The following PCDHGA8 variants were observed in gnomAD, a reference collection of about 807,000 sequenced individuals.
The protein encoded by PCDHGA8 is protocadherin gamma-A8.
Under a neutral mutation model 59.2 loss-of-function variants are expected in PCDHGA8, and 45 were observed. The ratio of observed to expected loss-of-function variants is 0.76; its 90% confidence interval spans 0.60 to 0.98. The LOEUF (loss-of-function observed/expected upper bound fraction) is 0.98. Ranked by LOEUF, PCDHGA8 falls within the 50% of genes least tolerant of loss-of-function variation. PCDHGA8 has a pLI of 0.00. For missense variants in PCDHGA8, 1,257 were observed against 1,196.2 expected, an observed-to-expected ratio of 1.05 and a Z score of -0.75; for synonymous variants, 531 against 519.0, an observed-to-expected ratio of 1.02 and a Z score of -0.32.
chr5:141,397,379 T>C (rs1470838357), intron 1 of PCDHGA8, among the ~76,000 whole-genome samples: 1 of 152,206 alleles, frequency 6.6e-6, no homozygotes, highest in East Asian at 1.9e-4. Context: ...TGGGGATTGG[T>C]ATAAAATTGC....
At position 141,432,015 on chromosome 5, in the gene PCDHGA8, A is replaced by G. The variant is rs745405194; in HGVS notation, c.2424+36778A>G. 6.2e-7 allele frequency: 1 copy of G among 1,614,196 alleles called. No individual in the cohort carries two copies. Among genetic ancestry groups the G allele is most frequent in the Admixed American group, 1.7e-5 (1 of 60,032 alleles). On this transcript the variant is annotated intron_variant, in intron 1 of 3. Coordinates refer to ENST00000398604, the MANE Select transcript of PCDHGA8 (RefSeq NM_032088.2). The surrounding 1 kb of genome is among the most constrained non-coding windows in gnomAD (Gnocchi z 6.0). ...GATAGGGAACAGGTTCCTAGCTACA[A>G]CATCACAGTGACCGCCACTGACCGG...
At chr5:141,419,029 T>C in intron 1 of PCDHGA8, 1 of 1,613,886 alleles carries the variant, frequency 6.2e-7, no homozygotes, top group Non-Finnish European at 8.5e-7. Flanking sequence ...GTAGAGGTGT[T>C]CCATTTAAGA....
At chr5:141,427,826 G>A (rs550161736) in intron 1 of PCDHGA8, 2 of 1,536,500 alleles carry the variant, frequency 1.3e-6, no homozygotes, top group Admixed American at 3.3e-5. Flanking sequence ...TGGTGGTCGC[G>A]CAGCGTGCCT....
intron 1 of PCDHGA8, chr5:141,419,724 G>A (rs200134846): frequency 1.9e-4 from 301 of 1,613,488 alleles, no homozygotes; most frequent in South Asian, 1.2e-3. Context: ...CTGGGGCTGC[G>A]AACAGGCGAG....
At chr5:141,418,672 G>A (rs1170411469) in intron 1 of PCDHGA8, 3 of 1,614,022 alleles carry the variant, frequency 1.9e-6, no homozygotes, top group Non-Finnish European at 2.5e-6. Context: ...ACCAGGACGA[G>A]GGCATCAACT....
Position 141,485,795 on chromosome 5 carries a change from T to G in PCDHGA8, c.2425-9012T>G, listed in dbSNP as rs1225630684. On this transcript the variant is annotated intron_variant, in intron 1 of 3. Coordinates refer to ENST00000398604, the MANE Select transcript of PCDHGA8 (RefSeq NM_032088.2). The surrounding 1 kb of genome is among the most constrained non-coding windows in gnomAD (Gnocchi z 5.7). ...TTTGGATCGAGAGAAGCAATCGGAC[T>G]ACCGCCTGGTGCTGACTGCTGTCGA... 16 of 1,614,092 alleles carry G rather than the reference T, an allele frequency of 9.9e-6. No individual in the cohort carries two copies. The highest frequency in any genetic ancestry group is 1.1e-5 in the Non-Finnish European group (13 of 1,180,046).
Position 141,409,297 on chromosome 5 carries a change from T to TGTGAATG in PCDHGA8, c.2424+14062_2424+14063insGAATGGT, listed in dbSNP as rs774936669. On this transcript the variant is annotated intron_variant, in intron 1 of 3. Transcript: ENST00000398604. ...TGGAGAATTCACCTCCAGGAATGGT[T>TGTGAATG]GTTGCCCTCTTCAAAACACGGGATC... The TGTGAATG allele has an allele frequency of 1.3e-5, 21 of 1,613,888 alleles. No homozygotes were observed. In the African/African-American group the frequency reaches 2.7e-4, roughly 21 times the overall value.
In PCDHGA8 at chr5:141,491,942, C is replaced by A; in HGVS notation, c.2425-2865C>A. The A allele has an allele frequency of 8.9e-7, 1 of 1,122,490 alleles. No individual in the cohort carries two copies. The highest frequency in any genetic ancestry group is 1.2e-6 in the Non-Finnish European group (1 of 824,374). 69.5% of individuals were successfully genotyped at this position (1,122,490 alleles called of 1,614,324 possible). The stretch of plus-strand genomic sequence containing the variant: ...GGCGAGGGGAGGTGGGACCGACCCC[C>A]ACCCCTACACTCAAAAAAGGCCGGG... On this transcript the variant is annotated intron_variant, in intron 1 of 3. Transcript: ENST00000398604. The surrounding 1 kb of genome is among the most constrained non-coding windows in gnomAD (Gnocchi z 6.9).
chr5:141,433,162 A>G, intron 1 of PCDHGA8: 1 of 1,613,890 alleles, frequency 6.2e-7, no homozygotes, highest in Non-Finnish European at 8.5e-7. Flanking sequence ...TATTTTCTAA[A>G]GACAGTCATG....
intron 1 of PCDHGA8, chr5:141,468,696 C>G (rs1483766202): frequency 6.6e-6 from 1 of 151,386 alleles, no homozygotes; most frequent in East Asian, 2.0e-4. Context: ...GAAACCCCGT[C>G]TCTACTAAAA....
At chr5:141,464,680 A>G (rs747974832) in intron 1 of PCDHGA8, among the ~76,000 whole-genome samples, 3 of 152,144 alleles carry the variant, frequency 2.0e-5, no homozygotes, top group Non-Finnish European at 4.4e-5. Flanking sequence ...TTTTAATTAA[A>G]ATTTCTCTTA....
rs938964469 is a variant in PCDHGA8 at position 141,485,439 on chromosome 5, C to T, written c.2425-9368C>T. On this transcript the variant is annotated intron_variant, in intron 1 of 3. Transcript: ENST00000398604. This position sits in a 1 kb window ranked among gnomAD's most constrained non-coding sequence, Gnocchi z 5.7. The stretch of plus-strand genomic sequence containing the variant: ...AGCGGAGCCCTGCTCATCAAGAACC[C>T]AATCGACCGAGAGGCACTGTGTGGG... The T allele has an allele frequency of 1.1e-5, 18 of 1,614,182 alleles. No homozygotes were observed. Among genetic ancestry groups the T allele is most frequent in the Non-Finnish European group, 1.5e-5 (18 of 1,180,036 alleles).
In PCDHGA8 at chr5:141,417,959, C is replaced by T. The variant is rs759279387; in HGVS notation, c.2424+22722C>T. 7.4e-6 allele frequency: 12 copies of T among 1,613,616 alleles called. No homozygotes were observed. The highest frequency in any genetic ancestry group is 4.0e-5 in the African/African-American group (3 of 74,932). On this transcript the variant is annotated intron_variant, in intron 1 of 3. Coordinates refer to ENST00000398604, the MANE Select transcript of PCDHGA8 (RefSeq NM_032088.2). The stretch of plus-strand genomic sequence containing the variant: ...CTACCCCACGCTGTGTGAGCCGATC[C>T]GCTACTCGATTCCGGAGGAGCTGGC...
rs778198822 is a variant in PCDHGA8 at position 141,432,802 on chromosome 5, A to G, written c.2424+37565A>G. 29 of 1,613,964 alleles carry G rather than the reference A, an allele frequency of 1.8e-5. No individual in the cohort carries two copies. The African/African-American group carries it at 3.6e-4, about 20-fold the overall frequency. On this transcript the variant is annotated intron_variant, in intron 1 of 3. Coordinates refer to ENST00000398604, the MANE Select transcript of PCDHGA8 (RefSeq NM_032088.2). This position sits in a 1 kb window ranked among gnomAD's most constrained non-coding sequence, Gnocchi z 6.0. ...CGGACCTCGGCAGCCTCGAGTCTCC[A>G]GCTAACTCTGAAACCTCAGACCTCA...
At chr5:141,427,056 T>C (rs1472513807) in intron 1 of PCDHGA8, 1 of 457,676 alleles carries the variant, frequency 2.2e-6, no homozygotes, top group Non-Finnish European at 4.4e-6. Flanking sequence ...CCCAGGCACC[T>C]CTGTACTAAA....
At position 141,393,464 on chromosome 5, in the gene PCDHGA8, C is replaced by T. The variant is rs1264655164; in HGVS notation, c.651C>T (p.Gly217=). The T allele has an allele frequency of 6.2e-6, 10 of 1,613,912 alleles. No homozygotes were observed. Among genetic ancestry groups the T allele is most frequent in the African/African-American group, 2.7e-5 (2 of 74,954 alleles). Residue 217 remains glycine, a synonymous_variant, in exon 1 of 4, where the codon GGC becomes GGT. Transcript: ENST00000398604. ...ACCTGGTCCTCACGGCCTCGGATGG[C>T]GGCAAGCCGCCTCGCTCTAGCACAG... ...AHHLVLTASD[G]GKPPRSSTVR...
chr5:141,467,055 C>CTTTTT (rs1193465269), intron 1 of PCDHGA8, among the ~76,000 whole-genome samples: 1 of 134,496 alleles, frequency 7.4e-6, no homozygotes, highest in Non-Finnish European at 1.6e-5. Context: ...TCAATGTTTT[C>CTTTTT]TTTTTTTTTT....
Position 141,489,089 on chromosome 5 carries a change from A to T in PCDHGA8, c.2425-5718A>T, listed in dbSNP as rs1214993065. The T allele has an allele frequency of 7.4e-5, 21 of 284,398 alleles. No homozygotes were observed. Among genetic ancestry groups the T allele is most frequent in the East Asian group, 1.1e-4 (2 of 17,560 alleles). The allele number at this position is 284,398 out of a possible 1,614,324, so 17.6% of individuals were successfully genotyped here. On this transcript the variant is annotated intron_variant, in intron 1 of 3. Coordinates refer to ENST00000398604, the MANE Select transcript of PCDHGA8 (RefSeq NM_032088.2). This position sits in a 1 kb window ranked among gnomAD's most constrained non-coding sequence, Gnocchi z 4.5. ...CCCTGCCCACCCCCGCCACTCGGTGACTAAGAACTGCTGCAAGCAGGCAAA... is the reference window on the plus strand; with the variant it reads ...CCCTGCCCACCCCCGCCACTCGGTGTCTAAGAACTGCTGCAAGCAGGCAAA...
intron 1 of PCDHGA8, chr5:141,429,167 TATAC>T (rs1240034860): frequency 7.3e-6 from 1 of 136,106 alleles, no homozygotes; most frequent in African/African-American, 2.9e-5. Flanking sequence ...AGACATTGTT[TATAC>T]ACACACACAC....
Sources: gnomAD v4.1 joint callset for allele counts (sites outside exome capture counted in the v4.1 genomes callset) on GRCh38, gnomAD v4.1.1 for gene constraint, Gnocchi (gnomAD v3.1) non-coding constraint, MANE v1.5 for transcripts, NCBI Gene and HGNC (gene_info 2026-07-23, HGNC 2026-07-21) for gene names.